ANO10: variants seen among roughly 807,000 people sequenced by gnomAD.
The protein encoded by ANO10 is anoctamin 10, also known as anoctamin-10.
ANO10 carries 77 observed loss-of-function variants against 74.7 expected under a neutral mutation model. The ratio of observed to expected loss-of-function variants is 1.03; its 90% CI spans 0.86 to 1.25. The LOEUF is 1.25. ANO10 is among the 50% of genes most tolerant of loss of function. The pLI, the probability that ANO10 is intolerant of heterozygous loss-of-function variation, is 0.00. For synonymous variants in ANO10, 279 were observed against 284.9 expected (o/e 0.98, Z 0.21); for missense variants, 721 against 778.1 (o/e 0.93, Z 0.87).
In ANO10 at chr3:43,620,551, G is replaced by A. The variant is rs552516749; in HGVS notation, c.-12+1358C>T. Among the ~76,000 whole-genome samples, 4 of 152,320 alleles carry A rather than the reference G, an allele frequency of 2.6e-5. No individual in the cohort carries two copies. The South Asian group carries it at 6.2e-4, about 24-fold the overall frequency. ...CCAGCACTTTGGGAGGCCGAGGTGG[G>A]AGGATTACCTGAGGTCAGGAGTTCA... is the stretch of plus-strand genomic sequence containing the variant. On this transcript the variant is annotated intron_variant, in intron 1 of 12. Transcript: ENST00000292246.
At chr3:43,432,944 CTTTTTTTTTTTT>C (rs5848663) in intron 11 of ANO10, among the ~76,000 whole-genome samples, 90 of 55,290 alleles carry the variant, frequency 1.6e-3, no homozygotes, top group Middle Eastern at 0.023. Flanking sequence ...TTGCTTAATT[CTTTTTTTTTTTT>C]TTTTTTTTTT....
At chr3:43,378,012 A>C (rs2091858562) in intron 12 of ANO10, among the ~76,000 whole-genome samples, 1 of 152,206 alleles carries the variant, frequency 6.6e-6, no homozygotes, top group African/African-American at 2.4e-5. Context: ...ATGGAGTATG[A>C]GGGGACACAA....
chr3:43,549,255 AAATT>A (rs752881638), intron 11 of ANO10, among the ~76,000 whole-genome samples: 14,691 of 152,188 alleles, frequency 0.097, 1,264 homozygotes, highest in African/African-American at 0.22. Context: ...AGAATGAACC[AAATT>A]ACAGTACCAA....
intron 12 of ANO10, among the ~76,000 whole-genome samples, chr3:43,378,367 TAAG>T (rs1191308051): frequency 6.6e-6 from 1 of 152,166 alleles, no homozygotes; most frequent in Non-Finnish European, 1.5e-5. Context: ...GTTCCATTCT[TAAG>T]AAACACTAAG....
At chr3:43,609,407 G>A (rs751928373) in intron 1 of ANO10, among the ~76,000 whole-genome samples, 1 of 152,164 alleles carries the variant, frequency 6.6e-6, no homozygotes, top group African/African-American at 2.4e-5. Context: ...GTAAAACAGT[G>A]CCCAAATATT....
chr3:43,434,030 A>G (rs2093030451), intron 11 of ANO10, among the ~76,000 whole-genome samples: 1 of 152,228 alleles, frequency 6.6e-6, no homozygotes, highest in African/African-American at 2.4e-5. Flanking sequence ...AGGAGAAATG[A>G]GGGATAAATA....
chr3:43,370,369 G>A (rs2091564837), intron 12 of ANO10, among the ~76,000 whole-genome samples: 1 of 152,222 alleles, frequency 6.6e-6, no homozygotes, highest in African/African-American at 2.4e-5. Context: ...AGGCTTGCAA[G>A]TCTCTGATTT....
In ANO10 at chr3:43,460,994, GA is replaced by G. The variant is rs35541318; in HGVS notation, c.1798-28268del. ...ATATAATAGAACTAAGAAGGGGCTAGAAAAAAAAAACAGGAAAAAATGAAGA... is the reference window on the plus strand; with the variant it reads ...ATATAATAGAACTAAGAAGGGGCTAGAAAAAAAAACAGGAAAAAATGAAGA... On this transcript the variant is annotated intron_variant, in intron 11 of 12. Transcript: ENST00000292246. Among the ~76,000 whole-genome samples, 540 of 136,066 alleles carry G rather than the reference GA, an allele frequency of 4.0e-3. 3 individuals are homozygous for G. Among genetic ancestry groups the G allele is most frequent in the African/African-American group, 0.012 (468 of 37,458 alleles). The allele number at this position is 136,066 out of a possible 152,430, so 89.3% of individuals were successfully genotyped here.
intron 11 of ANO10, among the ~76,000 whole-genome samples, chr3:43,486,381 T>G (rs2076490757): frequency 6.6e-6 from 1 of 151,936 alleles, no homozygotes; most frequent in Non-Finnish European, 1.5e-5. Context: ...GCATTGAATC[T>G]GTAAATTACC....
intron 11 of ANO10, among the ~76,000 whole-genome samples, chr3:43,488,060 C>A (rs1453914898): frequency 6.6e-6 from 1 of 152,038 alleles, no homozygotes; most frequent in African/African-American, 2.4e-5. Flanking sequence ...CAAAAACAAG[C>A]AATGGGGAAA....
intron 11 of ANO10, among the ~76,000 whole-genome samples, chr3:43,478,026 T>C (rs545632703): frequency 1.4e-4 from 22 of 152,316 alleles, no homozygotes; most frequent in South Asian, 6.2e-4. Context: ...TGCCAGGCCC[T>C]ATTCTAAGTG....
At position 43,656,910 on chromosome 3, in the gene ANO10, C is replaced by T. The variant is rs573251407; in HGVS notation, c.-12+34607G>A. ...GTGGGCTGAAGGGCTCCTCAAGTGC[C>T]GCCAAAGTGGGAGCCCAGGCAGAGG... On this transcript the variant is annotated intron_variant, in intron 1 of 3. Transcript: ENST00000413397. Among the ~76,000 whole-genome samples, 70 of 152,362 alleles carry T rather than the reference C, an allele frequency of 4.6e-4. 2 individuals carry two copies. Among genetic ancestry groups the T allele is most frequent in the African/African-American group, 1.6e-3 (67 of 41,588 alleles).
At chr3:43,417,166 C>T (rs1331166096) in intron 12 of ANO10, among the ~76,000 whole-genome samples, 1 of 152,166 alleles carries the variant, frequency 6.6e-6, no homozygotes, top group East Asian at 1.9e-4. Context: ...CCTGTAAAGT[C>T]CAGCTGCAGA....
intron 12 of ANO10, among the ~76,000 whole-genome samples, chr3:43,400,940 C>T (rs1278662577): frequency 1.3e-5 from 2 of 152,190 alleles, no homozygotes; most frequent in African/African-American, 4.8e-5. Flanking sequence ...AGCCTATAGT[C>T]TGACGTGTCA....
intron 1 of ANO10, among the ~76,000 whole-genome samples, chr3:43,681,428 G>A (rs2084197480): frequency 6.6e-6 from 1 of 152,124 alleles, no homozygotes; most frequent in African/African-American, 2.4e-5. Flanking sequence ...GATTCATAAA[G>A]CAAGTCCTCA....
rs2077835331 is a variant in ANO10, at chr3:43,519,065, T to TCC, written c.1797+30653_1797+30654dup. 2.6e-5 allele frequency among the ~76,000 whole-genome samples: 4 copies of TCC among 152,164 alleles called. No individual in the cohort carries two copies. In the South Asian group the frequency reaches 8.3e-4, roughly 32 times the overall value. ...ATGGAACCTGCTGACATGTGATGTC[T>TCC]CCCCCGGACACCCAGCTTTAAAATT... On this transcript the variant is annotated intron_variant, in intron 11 of 12. Transcript: ENST00000292246.
chr3:43,444,431 T>A (rs899291303), intron 11 of ANO10, among the ~76,000 whole-genome samples: 14 of 152,212 alleles, frequency 9.2e-5, no homozygotes, highest in African/African-American at 3.4e-4. Flanking sequence ...AACAATTATT[T>A]TGATCACTTG....
chr3:43,372,446 C>T (rs2091647363), intron 12 of ANO10, among the ~76,000 whole-genome samples: 1 of 152,204 alleles, frequency 6.6e-6, no homozygotes, highest in Admixed American at 6.5e-5. Context: ...CTACAGTTCA[C>T]CCCTTCTTGT....
At chr3:43,492,710 A>G (rs2076769942) in intron 11 of ANO10, among the ~76,000 whole-genome samples, 1 of 152,260 alleles carries the variant, frequency 6.6e-6, no homozygotes. Context: ...TGGTCATTAG[A>G]GAAATGCAAA....
Sources: gnomAD v4.1 joint callset for allele counts (sites outside exome capture counted in the v4.1 genomes callset) on GRCh38, gnomAD v4.1.1 for gene constraint, MANE v1.5 for transcripts, NCBI Gene and HGNC (gene_info 2026-07-23, HGNC 2026-07-21) for gene names.